The following ARID1B variants were observed in gnomAD, a reference collection of about 807,000 sequenced individuals.
ARID1B encodes AT-rich interactive domain-containing protein 1B.
In ARID1B, 30 loss-of-function variants were observed where a neutral mutation model predicts 212.3. That is an observed-to-expected ratio of 0.14 (90% CI 0.11 to 0.19). The LOEUF (loss-of-function observed/expected upper bound fraction) is 0.19, where lower values mean the gene tolerates loss of function less well. ARID1B is among the 10% of genes least tolerant of loss of function. The pLI, the probability that ARID1B is intolerant of heterozygous loss-of-function variation, is 1.00. For missense variants in ARID1B, 2,891 were observed against 3,204.0 expected, an observed-to-expected ratio of 0.90 and a Z score of 2.36; for synonymous variants, 1,402 against 1,301.7, an observed-to-expected ratio of 1.08 and a Z score of -1.66.
intron 8 of ARID1B, among the ~76,000 whole-genome samples, chr6:157,158,128 A>C (rs1422038486): frequency 6.6e-6 from 1 of 152,236 alleles, no homozygotes; most frequent in African/African-American, 2.4e-5. Context: ...GATTGTTAAA[A>C]TTCCTGCCAG....
rs781714598 is a variant in ARID1B, at chr6:157,181,028, T to C, written c.3564T>C (p.Asn1188=). The C allele has an allele frequency of 1.9e-6, 3 of 1,614,034 alleles. No individual in the cohort carries two copies. Among genetic ancestry groups the C allele is most frequent in the Non-Finnish European group, 1.7e-6 (2 of 1,180,040 alleles). ...EKITKVYELG[N]EPERKLWVDR... is the part of the protein sequence containing the mutation. The stretch of plus-strand genomic sequence containing the variant: ...TCACGAAGGTGTACGAGCTGGGGAA[T>C]GAGCCAGAGAGAAAGCTCTGGGTCG... Residue 1188 remains asparagine (N), a synonymous_variant, in exon 12 of 20, where the codon AAT becomes AAC. Transcript: ENST00000636930.
At chr6:157,073,166 A>G (rs35512751) in intron 4 of ARID1B, among the ~76,000 whole-genome samples, 80,341 of 149,046 alleles carry the variant, frequency 0.54, 22,914 homozygotes, top group African/African-American at 0.72. Context: ...GCAGTGGTAC[A>G]ATCTCGGCTC....
At chr6:156,886,040 A>T (rs1243883533) in intron 2 of ARID1B, among the ~76,000 whole-genome samples, 1 of 152,192 alleles carries the variant, frequency 6.6e-6, no homozygotes, top group Non-Finnish European at 1.5e-5. Flanking sequence ...TGGGTTAGGG[A>T]TGCTCAACCA....
At chr6:156,838,752 A>C (rs896662297) in intron 2 of ARID1B, among the ~76,000 whole-genome samples, 3 of 151,544 alleles carry the variant, frequency 2.0e-5, no homozygotes, top group African/African-American at 7.3e-5. Context: ...AAACCGCTCT[A>C]AGTAAGGATT....
At chr6:157,113,081 C>T (rs1787050340) in intron 6 of ARID1B, among the ~76,000 whole-genome samples, 1 of 151,962 alleles carries the variant, frequency 6.6e-6, no homozygotes, top group African/African-American at 2.4e-5. Context: ...GCCACCATGC[C>T]CGGCTAATTT....
At chr6:156,845,923 T>C (rs1784198101) in intron 2 of ARID1B, among the ~76,000 whole-genome samples, 1 of 152,180 alleles carries the variant, frequency 6.6e-6, no homozygotes, top group African/African-American at 2.4e-5. Context: ...TTTGTTGTAG[T>C]TCCTGGCAGA....
chr6:157,029,223 G>T (rs951678370), intron 4 of ARID1B, among the ~76,000 whole-genome samples: 5 of 152,192 alleles, frequency 3.3e-5, no homozygotes, highest in African/African-American at 9.6e-5. Flanking sequence ...ACAGTCATGT[G>T]TAATGCATGC....
intron 2 of ARID1B, among the ~76,000 whole-genome samples, chr6:156,878,884 T>C (rs1397790179): frequency 6.6e-6 from 1 of 152,240 alleles, no homozygotes; most frequent in Non-Finnish European, 1.5e-5. Flanking sequence ...TGCATCGTGA[T>C]TGACCATTTA....
chr6:157,036,958 A>AT lies in ARID1B; in HGVS notation c.2248-47694dup, dbSNP rs976391555. 4.5e-3 allele frequency: 1,722 copies of AT among 381,618 alleles called. 1 individual carries two copies. Among genetic ancestry groups the AT allele is most frequent in the East Asian group, 6.9e-3 (118 of 17,042 alleles). The allele number at this position is 381,618 out of a possible 1,614,324, so 23.6% of individuals were successfully genotyped here. ...TTTGAAGGTTCAACAGAGGGGACTT[A>AT]TTTTTTTTTTAATCATAATCAAAAC... On this transcript the variant is annotated intron_variant, in intron 4 of 19. Transcript: ENST00000636930.
rs1012366137 is a variant in ARID1B at position 157,203,015 on chromosome 6, A to AT, written c.5264-844dup. Among the ~76,000 whole-genome samples the AT allele has an allele frequency of 3.3e-5, 5 of 152,114 alleles. No individual in the cohort carries two copies. The highest frequency in any genetic ancestry group is 7.4e-5 in the Non-Finnish European group (5 of 68,016). ...ATGTTTATTTTTAAAAGTAATTTTG[A>AT]TTTTTTTATTGTAAAAACAGTATGT... On this transcript the variant is annotated intron_variant, in intron 18 of 19. Transcript: ENST00000636930. The surrounding 1 kb of genome is among the most constrained non-coding windows in gnomAD (Gnocchi z 4.4).
intron 5 of ARID1B, among the ~76,000 whole-genome samples, chr6:157,097,461 G>A (rs761747003): frequency 5.9e-5 from 9 of 152,100 alleles, no homozygotes; most frequent in Non-Finnish European, 7.4e-5. Flanking sequence ...ACGGTCCCTC[G>A]TACCTACAGG....
intron 4 of ARID1B, among the ~76,000 whole-genome samples, chr6:156,991,932 A>G (rs1240968740): frequency 6.6e-6 from 1 of 152,238 alleles, no homozygotes; most frequent in Non-Finnish European, 1.5e-5. Flanking sequence ...AAGATATTTA[A>G]CAAATTTGTA....
chr6:156,839,953 G>A (rs1583139409), intron 2 of ARID1B, among the ~76,000 whole-genome samples: 1 of 152,228 alleles, frequency 6.6e-6, no homozygotes, highest in African/African-American at 2.4e-5. Context: ...CTGCAAGAGA[G>A]GCTGCGAATT....
intron 4 of ARID1B, among the ~76,000 whole-genome samples, chr6:156,996,549 A>G (rs1378863722): frequency 2.0e-5 from 3 of 152,180 alleles, no homozygotes; most frequent in Non-Finnish European, 4.4e-5. Flanking sequence ...ATGCATTGTT[A>G]TGGAAACCAA....
At chr6:157,110,265 A>C (rs1159335349) in intron 5 of ARID1B, among the ~76,000 whole-genome samples, 1 of 152,194 alleles carries the variant, frequency 6.6e-6, no homozygotes, top group Non-Finnish European at 1.5e-5. Flanking sequence ...CTTTTCAGCA[A>C]GTGTTTAGCT....
chr6:157,062,424 C>CT (rs1199445139), intron 4 of ARID1B, among the ~76,000 whole-genome samples: 1 of 151,974 alleles, frequency 6.6e-6, no homozygotes, highest in African/African-American at 2.4e-5. Flanking sequence ...TCTTGAATTC[C>CT]TAGCTTCAAG....
chr6:157,195,022 A>C (rs1461992462), intron 15 of ARID1B: 2 of 152,328 alleles, frequency 1.3e-5, no homozygotes, highest in Non-Finnish European at 2.9e-5. Context: ...ACATAATAAA[A>C]ATGTTGAAAA....
chr6:156,976,959 C>T, intron 4 of ARID1B: 2 of 538,888 alleles, frequency 3.7e-6, no homozygotes, highest in Admixed American at 1.9e-5. Context: ...GAATAATCTG[C>T]TTCCATCCTG....
chr6:157,160,052 G>A (rs980671776), intron 8 of ARID1B, among the ~76,000 whole-genome samples: 1 of 152,228 alleles, frequency 6.6e-6, no homozygotes, highest in Admixed American at 6.5e-5. Flanking sequence ...GCTCCAGCTT[G>A]TCTGCTAGCA....
Sources: allele counts gnomAD v4.1 joint callset (sites outside exome capture counted in the v4.1 genomes callset), GRCh38; gene constraint gnomAD v4.1.1; non-coding constraint Gnocchi (gnomAD v3.1); transcripts MANE v1.5; gene names NCBI Gene and HGNC (gene_info 2026-07-23, HGNC 2026-07-21).